Variants in SYT1 observed in about 807,000 individuals in gnomAD.
SYT1 encodes synaptotagmin-1.
In SYT1, 8 loss-of-function variants were observed where a neutral mutation model predicts 44.8. The ratio of observed to expected loss-of-function variants is 0.18; its 90% CI spans 0.10 to 0.32. The LOEUF (loss-of-function observed/expected upper bound fraction) is 0.32. Among genes scored for constraint, SYT1 ranks in the 10% least tolerant of loss-of-function variants. The pLI is 1.00. For missense variants in SYT1, 286 were observed against 509.3 expected (o/e 0.56, Z 4.22); for synonymous variants, 154 against 188.8 (o/e 0.82, Z 1.51).
intron 6 of SYT1, among the ~76,000 whole-genome samples, chr12:79,293,729 G>A (rs1473411630): frequency 1.3e-5 from 2 of 152,118 alleles, no homozygotes; most frequent in Admixed American, 1.3e-4. Flanking sequence ...GTTTCCAGAG[G>A]GTTCCTCATG....
intron 4 of SYT1, among the ~76,000 whole-genome samples, chr12:79,252,041 A>G (rs565170901): frequency 6.6e-6 from 1 of 151,340 alleles, no homozygotes; most frequent in Admixed American, 6.6e-5. Context: ...CTATATATCT[A>G]TGGATATTTG....
intron 2 of SYT1, among the ~76,000 whole-genome samples, chr12:79,017,974 G>T (rs1273180082): frequency 6.6e-6 from 1 of 151,880 alleles, no homozygotes; most frequent in African/African-American, 2.4e-5. Context: ...AGTGTGGCAT[G>T]GATGGCAATG....
chr12:78,914,893 G>T (rs764189236), intron 1 of SYT1, among the ~76,000 whole-genome samples: 1 of 151,994 alleles, frequency 6.6e-6, no homozygotes, highest in Non-Finnish European at 1.5e-5. Context: ...TAATACAAAA[G>T]TGAAGATTAC....
intron 1 of SYT1, among the ~76,000 whole-genome samples, chr12:78,890,392 G>A (rs1188807096): frequency 6.6e-6 from 1 of 151,790 alleles, no homozygotes; most frequent in African/African-American, 2.4e-5. Flanking sequence ...CCTGTCGTGG[G>A]GTGACGGGAG....
At position 79,115,045 on chromosome 12, in the gene SYT1, G is replaced by T. The variant is rs749711864; in HGVS notation, c.-18+67683G>T. The stretch of plus-strand genomic sequence containing the variant: ...CCTCTCCCACTCTTTTCTCTTTAAA[G>T]TTGAAAATGCTGCAATTATTCTGTT... On this transcript the variant is annotated intron_variant, in intron 3 of 10. Coordinates refer to ENST00000261205, the MANE Select transcript of SYT1 (RefSeq NM_005639.3). 2.6e-5 allele frequency among the ~76,000 whole-genome samples: 4 copies of T among 152,118 alleles called. No homozygotes were observed. The East Asian group carries it at 7.7e-4, about 29-fold the overall frequency.
chr12:79,319,216 T>G (rs1881241677), intron 8 of SYT1, among the ~76,000 whole-genome samples: 1 of 152,214 alleles, frequency 6.6e-6, no homozygotes, highest in South Asian at 2.1e-4. Context: ...CTCTATTTCC[T>G]GGAAAATCAC....
At chr12:78,930,617 G>GTA (rs1877579838) in intron 1 of SYT1, among the ~76,000 whole-genome samples, 1 of 151,484 alleles carries the variant, frequency 6.6e-6, no homozygotes, top group Non-Finnish European at 1.5e-5. Context: ...GATAATGACA[G>GTA]GATTAAAATA....
chr12:78,928,122 T>A (rs894494094), intron 1 of SYT1, among the ~76,000 whole-genome samples: 3 of 152,170 alleles, frequency 2.0e-5, no homozygotes, highest in African/African-American at 7.2e-5. Flanking sequence ...TTGAGTATTT[T>A]TCCTTCTTGG....
intron 1 of SYT1, among the ~76,000 whole-genome samples, chr12:78,889,688 A>G (rs975853353): frequency 6.6e-6 from 1 of 151,932 alleles, no homozygotes; most frequent in South Asian, 2.1e-4. Context: ...AGGTTATTGA[A>G]CATGTGAGAT....
At chr12:79,270,439 A>G (rs932748712) in intron 4 of SYT1, among the ~76,000 whole-genome samples, 4 of 152,186 alleles carry the variant, frequency 2.6e-5, no homozygotes, top group Non-Finnish European at 4.4e-5. Flanking sequence ...GACCATAGCA[A>G]TGGTATTACC....
chr12:79,067,240 A>G (rs761793545), intron 3 of SYT1, among the ~76,000 whole-genome samples: 1 of 152,200 alleles, frequency 6.6e-6, no homozygotes, highest in Non-Finnish European at 1.5e-5. Context: ...TCAAAATCAT[A>G]TAGCTCATAC....
intron 2 of SYT1, among the ~76,000 whole-genome samples, chr12:78,986,868 G>T (rs980370241): frequency 6.6e-6 from 1 of 151,970 alleles, no homozygotes; most frequent in Admixed American, 6.6e-5. Flanking sequence ...CATCAGCATT[G>T]TCAGTCTCAG....
intron 1 of SYT1, among the ~76,000 whole-genome samples, chr12:78,975,915 A>G (rs963114837): frequency 1.3e-5 from 2 of 152,190 alleles, no homozygotes; most frequent in African/African-American, 2.4e-5. Context: ...ACAAATGGGT[A>G]AAACCATTAA....
At chr12:79,021,406 C>T (rs1358573954) in intron 2 of SYT1, among the ~76,000 whole-genome samples, 1 of 151,770 alleles carries the variant, frequency 6.6e-6, no homozygotes, top group Non-Finnish European at 1.5e-5. Flanking sequence ...ATCAAGCTGC[C>T]TCACCCTGTT....
intron 2 of SYT1, among the ~76,000 whole-genome samples, chr12:79,027,348 G>C (rs1384762627): frequency 1.3e-5 from 2 of 151,408 alleles, no homozygotes; most frequent in Admixed American, 1.3e-4. Flanking sequence ...TTACTACCAA[G>C]AGTTATATTG....
At chr12:78,925,054 T>A (rs10861161) in intron 1 of SYT1, among the ~76,000 whole-genome samples, 27,473 of 151,314 alleles carry the variant, frequency 0.18, 3,098 homozygotes, top group East Asian at 0.51. Context: ...TTATACATGT[T>A]TATGAGTATA....
intron 9 of SYT1, among the ~76,000 whole-genome samples, chr12:79,405,864 T>TAAAGCAAAGGG (rs1885226815): frequency 6.6e-6 from 1 of 152,006 alleles, no homozygotes; most frequent in South Asian, 2.1e-4. Context: ...CCCAACCAAG[T>TAAAGCAAAGGG]TTTTCCTCTT....
At chr12:79,103,264 C>A (rs1878536121) in intron 3 of SYT1, among the ~76,000 whole-genome samples, 1 of 152,088 alleles carries the variant, frequency 6.6e-6, no homozygotes, top group South Asian at 2.1e-4. Context: ...CATCCCTAAT[C>A]CTTTAATTAG....
intron 9 of SYT1, among the ~76,000 whole-genome samples, chr12:79,358,052 C>A (rs1014834443): frequency 2.6e-5 from 4 of 152,006 alleles, no homozygotes; most frequent in African/African-American, 9.7e-5. Flanking sequence ...GCTACTTGTC[C>A]CTATTTGTGT....
Sources: gnomAD v4.1 joint callset for allele counts (sites outside exome capture counted in the v4.1 genomes callset) on GRCh38, gnomAD v4.1.1 for gene constraint, MANE v1.5 for transcripts, NCBI Gene and HGNC (gene_info 2026-07-23, HGNC 2026-07-21) for gene names.